SMIM43: variants seen among roughly 807,000 people sequenced by gnomAD.
The protein encoded by SMIM43 is Nodal Enhanced MEsendoderm Peptide.
At chr4:121,764,772 C>A (rs1726261035) in intron 1 of SMIM43, 45 bp downstream of exon 1, 4 of 394,724 alleles carry the variant, frequency 1.0e-5, no homozygotes, top group Non-Finnish European at 1.8e-5. Context: ...CGGGTCCCTG[C>A]GCCTCACGCC....
At chr4:121,763,449 G>A (rs923948271) in intron 2 of SMIM43, among the ~76,000 whole-genome samples, 5 of 152,094 alleles carry the variant, frequency 3.3e-5, no homozygotes, top group Admixed American at 2.6e-4. Context: ...GAGTATATCT[G>A]CATCACATAT....
chr4:121,760,741 CA>C (rs1726014612), intron 5 of SMIM43, among the ~76,000 whole-genome samples: 1 of 152,210 alleles, frequency 6.6e-6, no homozygotes, highest in Non-Finnish European at 1.5e-5. Flanking sequence ...TGTACCTATT[CA>C]ATAAATTCAA....
In SMIM43 at chr4:121,761,535, CA is replaced by C. The variant is rs754284767; in HGVS notation, c.*499+2del. On this transcript the variant is annotated splice_donor_variant, in intron 5 of 5. Transcript: ENST00000643802. LOFTEE classifies it low-confidence loss of function (3UTR_SPLICE). ...AATAGAGTATTTCATATTTTTTACT[CA>C]CCTAGTTCCAAGTTTCCACCCCTGC... 6.3e-7 allele frequency: 1 copy of C among 1,586,984 alleles called. No homozygotes were observed. The highest frequency in any genetic ancestry group is 8.6e-7 in the Non-Finnish European group (1 of 1,169,156).
chr4:121,761,433 G>C, intron 5 of SMIM43, 105 bp downstream of exon 5: 1 of 1,048,986 alleles, frequency 9.5e-7, no homozygotes, highest in Non-Finnish European at 1.4e-6. Flanking sequence ...TTAAAATTTT[G>C]GTCATTTAAA....
At position 121,759,690 on chromosome 4, in the gene SMIM43, G is replaced by A. The variant is rs1725948290; in HGVS notation, c.*1284C>T. On this transcript the variant is annotated 3_prime_UTR_variant, in exon 6 of 6. Transcript: ENST00000643802. Reference sequence around the variant, plus strand: ...GCTGCTTATAGAAGCAGCTTTGAGAGGCAATTCTTCTCCCAGGATATTCCT... The same window carrying A: ...GCTGCTTATAGAAGCAGCTTTGAGAAGCAATTCTTCTCCCAGGATATTCCT... 6.6e-6 allele frequency: 1 copy of A among 152,180 alleles called. No homozygotes were observed. The highest frequency in any genetic ancestry group is 1.5e-5 in the Non-Finnish European group (1 of 68,036). The allele number at this position is 152,180 out of a possible 1,614,324, so 9.4% of individuals were successfully genotyped here. A position where few individuals can be genotyped will look rare whatever the true frequency, so the allele number is the denominator to read the frequency against.
Position 121,764,811 on chromosome 4 carries a change from C to A in SMIM43, c.*97+6G>T. On this transcript the variant is annotated splice_donor_region_variant and intron_variant, in intron 1 of 5. Transcript: ENST00000643802. ...ACGGACCCGTCAGAGCCGCCGAGCC[C>A]CGCACCTGGAAGCTGGGAGGCCGCG... 2.5e-6 allele frequency: 1 copy of A among 395,946 alleles called. No individual in the cohort carries two copies. The highest frequency in any genetic ancestry group is 4.4e-6 in the Non-Finnish European group (1 of 224,768). 24.5% of individuals were successfully genotyped at this position (395,946 alleles called of 1,614,324 possible). A position where few individuals can be genotyped will look rare whatever the true frequency, so the allele number is the denominator to read the frequency against.
At position 121,764,805 on chromosome 4, in the gene SMIM43, C is replaced by T; in HGVS notation, c.*97+12G>A. ...GCCGGAACGGACCCGTCAGAGCCGC[C>T]GAGCCCCGCACCTGGAAGCTGGGAG... On this transcript the variant is annotated intron_variant, in intron 1 of 5. Coordinates refer to ENST00000643802, the MANE Select transcript of SMIM43 (RefSeq NM_001384332.1). 7.6e-6 allele frequency: 3 copies of T among 395,666 alleles called. No individual in the cohort carries two copies. Among genetic ancestry groups the T allele is most frequent in the Non-Finnish European group, 8.9e-6 (2 of 224,638 alleles). The allele number at this position is 395,666 out of a possible 1,614,324, so 24.5% of individuals were successfully genotyped here. A position where few individuals can be genotyped will look rare whatever the true frequency, so the allele number is the denominator to read the frequency against.
chr4:121,760,465 A>G lies in SMIM43; in HGVS notation c.*509T>C. ...CTTCTTGTGGGGTGCTGCGGGGACC[A>G]TCTTGGAACCTGGAGGAAAAAGCCA... On this transcript the variant is annotated 3_prime_UTR_variant, in exon 6 of 6. Coordinates refer to ENST00000643802, the MANE Select transcript of SMIM43 (RefSeq NM_001384332.1). 6.5e-7 allele frequency: 1 copy of G among 1,541,630 alleles called. No homozygotes were observed. Among genetic ancestry groups the G allele is most frequent in the Non-Finnish European group, 8.7e-7 (1 of 1,144,082 alleles).
Position 121,764,818 on chromosome 4 carries a change from T to C in SMIM43, c.*96A>G, listed in dbSNP as rs944438672. On this transcript the variant is annotated splice_region_variant and 3_prime_UTR_variant, in exon 1 of 6. Transcript: ENST00000643802. ...CGTCAGAGCCGCCGAGCCCCGCACC[T>C]GGAAGCTGGGAGGCCGCGAGGACGG... 7.6e-6 allele frequency: 3 copies of C among 395,754 alleles called. No homozygotes were observed. Among genetic ancestry groups the C allele is most frequent in the African/African-American group, 2.1e-5 (1 of 48,602 alleles). 24.5% of individuals were successfully genotyped at this position (395,754 alleles called of 1,614,324 possible).
Position 121,760,220 on chromosome 4 carries a change from ATCT to A in SMIM43, c.*751_*753del, listed in dbSNP as rs1293219037. The A allele has an allele frequency of 6.5e-6, 10 of 1,533,754 alleles. No individual in the cohort carries two copies. In the African/African-American group the frequency reaches 6.9e-5, roughly 11 times the overall value. On this transcript the variant is annotated 3_prime_UTR_variant, in exon 6 of 6. Coordinates refer to ENST00000643802, the MANE Select transcript of SMIM43 (RefSeq NM_001384332.1). ...AGTTGTCCTCCCAAGATCCACCATC[ATCT>A]TCTTCTTCATCAAGAGAAACTGGAT... is the stretch of plus-strand genomic sequence containing the variant.
intron 5 of SMIM43, 31 bp from the exon 6 acceptor site, chr4:121,760,505 G>A (rs965996125): frequency 6.7e-7 from 1 of 1,503,044 alleles, no homozygotes; most frequent in Non-Finnish European, 8.9e-7. Context: ...AACCTCAGCA[G>A]CCACCTTAAT....
chr4:121,760,180 A>G lies in SMIM43; in HGVS notation c.*794T>C, dbSNP rs912774388. 1 of 1,462,930 alleles carries G rather than the reference A, an allele frequency of 6.8e-7. No homozygotes were observed. The highest frequency in any genetic ancestry group is 1.4e-5 in the South Asian group (1 of 71,040). The allele number at this position is 1,462,930 out of a possible 1,614,324, so 90.6% of individuals were successfully genotyped here. ...TCCTCTGCAACTGTATTCTGTAGCCAGGGCATAAAATGTTAGTTGTCCTCC... is the reference window on the plus strand; with the variant it reads ...TCCTCTGCAACTGTATTCTGTAGCCGGGGCATAAAATGTTAGTTGTCCTCC... On this transcript the variant is annotated 3_prime_UTR_variant, in exon 6 of 6. Transcript: ENST00000643802.
chr4:121,764,875 G>A lies in SMIM43; in HGVS notation c.*39C>T, dbSNP rs533926138. The A allele has an allele frequency of 8.0e-5, 32 of 397,950 alleles. No individual in the cohort carries two copies. In the East Asian group the frequency reaches 1.1e-3, roughly 13 times the overall value. The allele number at this position is 397,950 out of a possible 1,614,324, so 24.7% of individuals were successfully genotyped here. A position where few individuals can be genotyped will look rare whatever the true frequency, so the allele number is the denominator to read the frequency against. On this transcript the variant is annotated 3_prime_UTR_variant, in exon 1 of 6. Coordinates refer to ENST00000643802, the MANE Select transcript of SMIM43 (RefSeq NM_001384332.1). Reference sequence around the variant, plus strand: ...GAGGCGGAGACCCAGCCCAGCGCCCGCGCAGCTCGGTGCCCTCCCGCCAGT... The same window carrying A: ...GAGGCGGAGACCCAGCCCAGCGCCCACGCAGCTCGGTGCCCTCCCGCCAGT...
chr4:121,764,664 C>G, intron 1 of SMIM43, 153 bp downstream of exon 1: 2 of 375,664 alleles, frequency 5.3e-6, no homozygotes, highest in Non-Finnish European at 9.4e-6. Flanking sequence ...CTTAGGGTCC[C>G]TCTCGAAGAG....
intron 3 of SMIM43, 63 bp from the exon 4 acceptor site, chr4:121,761,955 A>T: frequency 7.4e-7 from 1 of 1,345,932 alleles, no homozygotes; most frequent in Non-Finnish European, 1.0e-6. Context: ...ATTACATAAT[A>T]GAATTATGGC....
chr4:121,760,275 G>T lies in SMIM43; in HGVS notation c.*699C>A. 6.3e-7 allele frequency: 1 copy of T among 1,588,010 alleles called. No homozygotes were observed. The highest frequency in any genetic ancestry group is 1.2e-5 in the South Asian group (1 of 86,798). On this transcript the variant is annotated 3_prime_UTR_variant, in exon 6 of 6. Coordinates refer to ENST00000643802, the MANE Select transcript of SMIM43 (RefSeq NM_001384332.1). ...TTTGTCAAAGGCAGTTATATATCCA[G>T]CTACAAAAACTACATTTCTCAGACA...
intron 2 of SMIM43, among the ~76,000 whole-genome samples, chr4:121,763,477 C>T (rs986884987): frequency 6.6e-6 from 1 of 152,126 alleles, no homozygotes; most frequent in African/African-American, 2.4e-5. Flanking sequence ...CATGAACCCC[C>T]GCACTGTTTT....
At chr4:121,764,443 CCA>C (rs1409089003) in intron 1 of SMIM43, 2 of 153,328 alleles carry the variant, frequency 1.3e-5, no homozygotes, top group African/African-American at 2.4e-5. Flanking sequence ...GTCCCAAAGC[CCA>C]CACAGTCTTT....
chr4:121,761,717 A>G, intron 4 of SMIM43, 22 bp from the exon 5 acceptor site: 5 of 1,611,094 alleles, frequency 3.1e-6, no homozygotes, highest in Non-Finnish European at 4.2e-6. Context: ...GTTCAGACAT[A>G]GGAATCTACT....
Sources: allele counts gnomAD v4.1 joint callset (sites outside exome capture counted in the v4.1 genomes callset), GRCh38; gene constraint gnomAD v4.1.1; transcripts MANE v1.5; gene names NCBI Gene and HGNC (gene_info 2026-07-23, HGNC 2026-07-21).